PAH: variants seen among roughly 807,000 people sequenced by gnomAD.
The protein encoded by PAH is phenylalanine-4-hydroxylase.
In PAH, 64 loss-of-function variants were observed where a neutral mutation model predicts 62.0. That is an observed-to-expected ratio of 1.03 (90% confidence interval 0.84 to 1.27). The LOEUF is 1.27. Ranked by LOEUF, PAH falls within the 50% of genes most tolerant of loss-of-function variation. The pLI is 0.00. For synonymous variants in PAH, 195 were observed against 196.2 expected, an observed-to-expected ratio of 0.99 and a Z score of 0.05; for missense variants, 579 against 542.8, an observed-to-expected ratio of 1.07 and a Z score of -0.66.
chr12:102,922,612 G>A lies in PAH; in HGVS notation c.-95-5387C>T, dbSNP rs146442070. On this transcript the variant is annotated intron_variant, in intron 1 of 3. Coordinates refer to the PAH transcript ENST00000546844. Reference sequence around the variant, plus strand: ...CCATTGTATTTTTATGTGGATTATCGTAATTTATTTCATCAGTACTCTGTT... The same window carrying A: ...CCATTGTATTTTTATGTGGATTATCATAATTTATTTCATCAGTACTCTGTT... 5.9e-5 allele frequency among the ~76,000 whole-genome samples: 9 copies of A among 152,196 alleles called. No homozygotes were observed. The East Asian group carries it at 9.7e-4, about 16-fold the overall frequency.
chr12:102,855,492 G>C lies in PAH; in HGVS notation c.510-160C>G, dbSNP rs555878816. 1.4e-4 allele frequency among the ~76,000 whole-genome samples: 22 copies of C among 152,302 alleles called. No individual in the cohort carries two copies. In the South Asian group the frequency reaches 4.4e-3, roughly 30 times the overall value. ...TTGAAAGAGAAAAATTCCACATCTTGATATAGGAAACATTGTTGTTTTGAT... is the reference window on the plus strand; with the variant it reads ...TTGAAAGAGAAAAATTCCACATCTTCATATAGGAAACATTGTTGTTTTGAT... On this transcript the variant is annotated intron_variant, in intron 5 of 12. Coordinates refer to ENST00000553106, the MANE Select transcript of PAH (RefSeq NM_000277.3).
At chr12:102,847,928 G>A (rs1027756708) in intron 8 of PAH, among the ~76,000 whole-genome samples, 27 of 152,218 alleles carry the variant, frequency 1.8e-4, no homozygotes, top group African/African-American at 6.3e-4. Context: ...GACACAGGGA[G>A]GAACCAATGT....
chr12:102,876,564 C>T (rs1876573016), intron 4 of PAH, among the ~76,000 whole-genome samples: 1 of 152,206 alleles, frequency 6.6e-6, no homozygotes, highest in Non-Finnish European at 1.5e-5. Context: ...GCTTCCTCTG[C>T]GTTCTGCTCA....
chr12:102,925,262 C>A (rs1471278346), intron 1 of PAH, among the ~76,000 whole-genome samples: 1 of 152,090 alleles, frequency 6.6e-6, no homozygotes, highest in African/African-American at 2.4e-5. Context: ...TGCAGATATG[C>A]TGACTGGAGC....
intron 3 of PAH, among the ~76,000 whole-genome samples, chr12:102,888,091 T>G (rs1373741812): frequency 1.3e-5 from 2 of 152,130 alleles, no homozygotes; most frequent in African/African-American, 4.8e-5. Flanking sequence ...ACCCTAAGAT[T>G]CATTGTGTAC....
chr12:102,940,913 C>T (rs187864525), intron 1 of PAH, among the ~76,000 whole-genome samples: 45 of 152,164 alleles, frequency 3.0e-4, no homozygotes, highest in African/African-American at 1.0e-3. Context: ...ATATTAAAGA[C>T]AGCTACAGAG....
At chr12:102,880,240 G>A (rs142126417) in intron 3 of PAH, among the ~76,000 whole-genome samples, 96 of 152,278 alleles carry the variant, frequency 6.3e-4, no homozygotes, top group African/African-American at 2.0e-3. Context: ...CAGCATTTGC[G>A]TTGTACACTG....
intron 1 of PAH, among the ~76,000 whole-genome samples, chr12:102,926,687 A>C (rs1251427612): frequency 2.6e-5 from 4 of 152,128 alleles, no homozygotes; most frequent in Non-Finnish European, 5.9e-5. Flanking sequence ...CACAATTAAA[A>C]ACAAAATTAT....
At chr12:102,854,223 C>A (rs1401264697) in intron 6 of PAH, among the ~76,000 whole-genome samples, 1 of 152,136 alleles carries the variant, frequency 6.6e-6, no homozygotes, top group Non-Finnish European at 1.5e-5. Flanking sequence ...ACTGTCCTGG[C>A]TACAACTTCC....
chr12:102,871,511 G>A (rs2712618), intron 4 of PAH, among the ~76,000 whole-genome samples: 4 of 151,910 alleles, frequency 2.6e-5, no homozygotes, highest in South Asian at 2.1e-4. Context: ...TATGTTTCTC[G>A]TTTCAGATGG....
intron 1 of PAH, among the ~76,000 whole-genome samples, chr12:102,923,083 AAG>A: frequency 6.6e-6 from 1 of 152,340 alleles, no homozygotes; most frequent in South Asian, 2.1e-4. Flanking sequence ...GTCAACAAGT[AAG>A]TTCAGATTTA....
At chr12:102,887,622 G>A (rs1877096479) in intron 3 of PAH, among the ~76,000 whole-genome samples, 2 of 152,056 alleles carry the variant, frequency 1.3e-5, no homozygotes, top group Admixed American at 1.3e-4. Context: ...TTCAACTCAA[G>A]CAAGTCCAAT....
chr12:102,937,925 A>G (rs114746805), intron 1 of PAH, among the ~76,000 whole-genome samples: 1 of 152,186 alleles, frequency 6.6e-6, no homozygotes, highest in Non-Finnish European at 1.5e-5. Context: ...TGTTTGAAGA[A>G]CTTTTTGGCT....
At chr12:102,856,586 C>A (rs1224899851) in intron 5 of PAH, among the ~76,000 whole-genome samples, 3 of 152,210 alleles carry the variant, frequency 2.0e-5, no homozygotes, top group Non-Finnish European at 4.4e-5. Flanking sequence ...CACCCCCCAG[C>A]AGGGGCAGAC....
chr12:102,954,293 G>A (rs1278659286), upstream of PAH, among the ~76,000 whole-genome samples: 1 of 152,226 alleles, frequency 6.6e-6, no homozygotes, highest in African/African-American at 2.4e-5. Context: ...CTCACCCCTA[G>A]GTGCTGGGAC....
intron 1 of PAH, among the ~76,000 whole-genome samples, chr12:102,932,648 A>C: frequency 6.6e-6 from 1 of 152,190 alleles, no homozygotes; most frequent in Non-Finnish European, 1.5e-5. Context: ...TCACTTCTTC[A>C]ACAGGTGTAT....
chr12:102,867,911 A>ATG (rs1304187250), intron 4 of PAH, among the ~76,000 whole-genome samples: 1 of 139,332 alleles, frequency 7.2e-6, no homozygotes, highest in African/African-American at 2.8e-5. Flanking sequence ...GTATATATAC[A>ATG]TGTATATACA....
chr12:102,934,210 C>T lies in PAH; in HGVS notation c.-96+16379G>A, dbSNP rs114977792. Among the ~76,000 whole-genome samples, 906 of 152,078 alleles carry T rather than the reference C, an allele frequency of 6.0e-3. 10 individuals are homozygous for T. The highest frequency in any genetic ancestry group is 0.02 in the African/African-American group (840 of 41,532). On this transcript the variant is annotated intron_variant, in intron 1 of 3. Transcript: ENST00000546844. ...CTTTCCCAAGTGTATGTTCTTGGCA[C>T]CTTGGTTAAAAACGAGTTCACTGTA... is the stretch of plus-strand genomic sequence containing the variant.
At chr12:102,943,330 A>G (rs1023729417) in intron 1 of PAH, among the ~76,000 whole-genome samples, 2 of 152,178 alleles carry the variant, frequency 1.3e-5, no homozygotes, top group Non-Finnish European at 2.9e-5. Flanking sequence ...GCTCAACATC[A>G]CTAATCATTA....
Sources: allele counts gnomAD v4.1 joint callset (sites outside exome capture counted in the v4.1 genomes callset), GRCh38; gene constraint gnomAD v4.1.1; transcripts MANE v1.5; gene names NCBI Gene and HGNC (gene_info 2026-07-23, HGNC 2026-07-21).